Variants in PARD3B observed in about 807,000 individuals in gnomAD.
PARD3B encodes par-3 family cell polarity regulator beta.
In PARD3B, 103 loss-of-function variants were observed where a neutral mutation model predicts 130.2. That is an observed-to-expected ratio of 0.79 (90% CI 0.67 to 0.93). PARD3B has a LOEUF of 0.93. Among genes scored for constraint, PARD3B ranks in the 40% least tolerant of loss-of-function variants. PARD3B has a pLI of 0.00. For missense variants in PARD3B, 1,609 were observed against 1,499.2 expected (o/e 1.07, Z -1.21); for synonymous variants, 583 against 553.2 (o/e 1.05, Z -0.76).
At position 205,269,117 on chromosome 2, in the gene PARD3B, T is replaced by A. The variant is rs1333183060; in HGVS notation, c.2185+23295T>A. 6.6e-6 allele frequency among the ~76,000 whole-genome samples: 1 copy of A among 152,126 alleles called. No homozygotes were observed. The highest frequency in any genetic ancestry group is 1.5e-5 in the Non-Finnish European group (1 of 67,982). On this transcript the variant is annotated intron_variant, in intron 16 of 22. Transcript: ENST00000406610. This position sits in a 1 kb window ranked among gnomAD's most constrained non-coding sequence, Gnocchi z 4.7. ...GAACCTAGGTCACTTTAGACTTGTT[T>A]AAATATGTAAATCACTCAAAACTCA...
intron 1 of PARD3B, among the ~76,000 whole-genome samples, chr2:204,588,408 C>T (rs1409809749): frequency 6.6e-6 from 1 of 152,186 alleles, no homozygotes; most frequent in Non-Finnish European, 1.5e-5. Context: ...ATCATAAGAG[C>T]TCATCTTTGG....
chr2:205,094,980 A>G (rs1171267900), intron 4 of PARD3B, among the ~76,000 whole-genome samples: 2 of 152,184 alleles, frequency 1.3e-5, no homozygotes, highest in African/African-American at 2.4e-5. Flanking sequence ...CTAGTACCAT[A>G]TAAATGTCCA....
chr2:204,690,151 T>C (rs1331067787), intron 2 of PARD3B, among the ~76,000 whole-genome samples: 3 of 152,172 alleles, frequency 2.0e-5, no homozygotes, highest in African/African-American at 7.2e-5. Flanking sequence ...AGGACCCAGA[T>C]TATTTGATTT....
intron 4 of PARD3B, among the ~76,000 whole-genome samples, chr2:205,092,337 C>T (rs978237207): frequency 2.3e-4 from 35 of 152,012 alleles, no homozygotes; most frequent in Admixed American, 1.6e-3. Context: ...TGAGAGTGGG[C>T]AGCATGAAGA....
intron 1 of PARD3B, among the ~76,000 whole-genome samples, chr2:204,555,749 CCAGA>C (rs887074549): frequency 1.1e-4 from 17 of 152,146 alleles, no homozygotes; most frequent in African/African-American, 3.1e-4. Context: ...TTCAAGCATG[CCAGA>C]CAGACTCTTA....
intron 2 of PARD3B, among the ~76,000 whole-genome samples, chr2:204,945,360 C>G (rs1189536368): frequency 6.6e-6 from 1 of 152,176 alleles, no homozygotes; most frequent in African/African-American, 2.4e-5. Flanking sequence ...TTGTATAAGT[C>G]AGATCCTTGC....
chr2:205,503,782 G>A (rs1396686267), intron 21 of PARD3B, among the ~76,000 whole-genome samples: 3 of 151,384 alleles, frequency 2.0e-5, no homozygotes, highest in East Asian at 1.9e-4. Context: ...CCATTTTCAC[G>A]ATATTGATTC....
At chr2:205,095,512 G>A (rs1702343434) in intron 4 of PARD3B, among the ~76,000 whole-genome samples, 4 of 152,066 alleles carry the variant, frequency 2.6e-5, no homozygotes, top group Admixed American at 2.6e-4. Context: ...ACCCACTGGT[G>A]TTAGCCTTAT....
intron 1 of PARD3B, among the ~76,000 whole-genome samples, chr2:204,679,096 C>T (rs534723876): frequency 3.3e-5 from 5 of 152,220 alleles, no homozygotes; most frequent in East Asian, 3.9e-4. Flanking sequence ...TTTCATGTTG[C>T]GAGATTTACT....
chr2:204,801,196 G>A (rs1165676635), intron 2 of PARD3B, among the ~76,000 whole-genome samples: 1 of 152,086 alleles, frequency 6.6e-6, no homozygotes, highest in African/African-American at 2.4e-5. Context: ...TTGGCTATAT[G>A]GGCTCTTTTT....
intron 18 of PARD3B, among the ~76,000 whole-genome samples, chr2:205,392,002 C>G (rs189113213): frequency 0.018 from 2,709 of 151,912 alleles, 80 homozygotes; most frequent in African/African-American, 0.061. Flanking sequence ...GAGGCTCTCT[C>G]TTTTGTTTGT....
intron 4 of PARD3B, among the ~76,000 whole-genome samples, chr2:205,086,045 T>C (rs1305441652): frequency 6.6e-6 from 1 of 152,206 alleles, no homozygotes; most frequent in Non-Finnish European, 1.5e-5. Flanking sequence ...GTGGTGATGC[T>C]GTTGCTAGCA....
At chr2:205,248,511 G>T (rs900873378) in intron 16 of PARD3B, among the ~76,000 whole-genome samples, 2 of 150,086 alleles carry the variant, frequency 1.3e-5, no homozygotes, top group Admixed American at 1.3e-4. Flanking sequence ...AAATTCACCT[G>T]TAGTCTCAGT....
rs923188359 is a variant in PARD3B at position 205,122,703 on chromosome 2, T to C, written c.1165+754T>C. ...AACCAAGATCTTATAGATTCTTGTC[T>C]GAATTAATAGAGAATTTATGGTCAA... On this transcript the variant is annotated intron_variant, in intron 8 of 22. Coordinates refer to ENST00000406610, the MANE Select transcript of PARD3B (RefSeq NM_001302769.2). This position sits in a 1 kb window ranked among gnomAD's most constrained non-coding sequence, Gnocchi z 4.3. Among the ~76,000 whole-genome samples the C allele has an allele frequency of 6.6e-6, 1 of 152,250 alleles. No individual in the cohort carries two copies. Among genetic ancestry groups the C allele is most frequent in the African/African-American group, 2.4e-5 (1 of 41,472 alleles).
chr2:205,375,490 A>C (rs1295736825), intron 18 of PARD3B, among the ~76,000 whole-genome samples: 3 of 152,212 alleles, frequency 2.0e-5, no homozygotes, highest in Admixed American at 2.0e-4. Context: ...AGCAAGGTTT[A>C]AACACACACA....
chr2:204,694,187 A>G (rs2037500847), intron 2 of PARD3B, among the ~76,000 whole-genome samples: 1 of 152,062 alleles, frequency 6.6e-6, no homozygotes, highest in Admixed American at 6.6e-5. Context: ...AGTTCTTATG[A>G]ATTTTTCAAG....
At position 204,990,173 on chromosome 2, in the gene PARD3B, A is replaced by T. The variant is rs910541033; in HGVS notation, c.394+24850A>T. 2.0e-5 allele frequency among the ~76,000 whole-genome samples: 3 copies of T among 152,066 alleles called. 1 individual carries two copies. The highest frequency in any genetic ancestry group is 4.4e-5 in the Non-Finnish European group (3 of 67,976). Reference sequence around the variant, plus strand: ...CAAGCATATTTTAATGTAATTATTGACCATTCAGATTTACTCTTCTGTGAT... The same window carrying T: ...CAAGCATATTTTAATGTAATTATTGTCCATTCAGATTTACTCTTCTGTGAT... On this transcript the variant is annotated intron_variant, in intron 3 of 22. Transcript: ENST00000406610.
At position 205,422,227 on chromosome 2, in the gene PARD3B, G is replaced by A. The variant is rs78597083; in HGVS notation, c.2742-18143G>A. Reference sequence around the variant, plus strand: ...AACTGCAAGAGCTAATCAGGCCTGAGGCAAATAAAGCTTTGTAATTGGAGT... The same window carrying A: ...AACTGCAAGAGCTAATCAGGCCTGAAGCAAATAAAGCTTTGTAATTGGAGT... On this transcript the variant is annotated intron_variant, in intron 19 of 22. Coordinates refer to ENST00000406610, the MANE Select transcript of PARD3B (RefSeq NM_001302769.2). Among the ~76,000 whole-genome samples, 63 of 152,254 alleles carry A rather than the reference G, an allele frequency of 4.1e-4. 1 individual carries two copies. The East Asian group carries it at 0.012, about 29-fold the overall frequency.
At chr2:205,049,518 C>T (rs1251151169) in intron 4 of PARD3B, among the ~76,000 whole-genome samples, 5 of 152,190 alleles carry the variant, frequency 3.3e-5, no homozygotes, top group East Asian at 1.9e-4. Context: ...GATTTGTGTC[C>T]GGACAGAAAC....
Sources: gnomAD v4.1 joint callset for allele counts (sites outside exome capture counted in the v4.1 genomes callset) on GRCh38, gnomAD v4.1.1 for gene constraint, Gnocchi (gnomAD v3.1) non-coding constraint, MANE v1.5 for transcripts, NCBI Gene and HGNC (gene_info 2026-07-23, HGNC 2026-07-21) for gene names.